ZMAT4: variants seen among roughly 807,000 people sequenced by gnomAD.
The protein encoded by ZMAT4 is zinc finger matrin-type protein 4.
ZMAT4 carries 17 observed loss-of-function variants against 28.7 expected under a neutral mutation model. The observed-to-expected ratio is 0.59, with a 90% CI of 0.41 to 0.89. The LOEUF (loss-of-function observed/expected upper bound fraction) is 0.89, where lower values mean the gene tolerates loss of function less well. ZMAT4 is among the 40% of genes least tolerant of loss of function. The pLI is 0.00. For missense variants in ZMAT4, 240 were observed against 283.8 expected (o/e 0.85, Z 1.11); for synonymous variants, 117 against 109.2 (o/e 1.07, Z -0.44).
At chr8:40,672,829 AC>A (rs1808736180) in intron 5 of ZMAT4, among the ~76,000 whole-genome samples, 1 of 152,180 alleles carries the variant, frequency 6.6e-6, no homozygotes, top group South Asian at 2.1e-4. Context: ...ATTTTCTTTA[AC>A]AAGACATAGA....
At chr8:40,746,254 TCCC>T (rs1812215336) in intron 3 of ZMAT4, among the ~76,000 whole-genome samples, 30 of 85,164 alleles carry the variant, frequency 3.5e-4, no homozygotes, top group South Asian at 5.4e-4. Flanking sequence ...CCTCCCTCCC[TCCC>T]TCCCTCCCTT....
intron 3 of ZMAT4, among the ~76,000 whole-genome samples, chr8:40,735,110 C>T (rs1230930360): frequency 6.6e-6 from 1 of 152,200 alleles, no homozygotes; most frequent in East Asian, 1.9e-4. Context: ...TAGGCAGAAA[C>T]TCTGCCTTAT....
At chr8:40,696,528 C>A (rs911781521) in intron 4 of ZMAT4, among the ~76,000 whole-genome samples, 7 of 152,140 alleles carry the variant, frequency 4.6e-5, no homozygotes, top group African/African-American at 1.4e-4. Context: ...AATAGTTTAT[C>A]TTGATTAAAT....
At chr8:40,712,992 C>T (rs899401711) in intron 3 of ZMAT4, among the ~76,000 whole-genome samples, 36 of 151,462 alleles carry the variant, frequency 2.4e-4, no homozygotes, top group African/African-American at 8.5e-4. Context: ...AAGAAAAATA[C>T]GGATACTAAA....
At chr8:40,883,485 G>C (rs1818349701) in intron 1 of ZMAT4, among the ~76,000 whole-genome samples, 1 of 152,150 alleles carries the variant, frequency 6.6e-6, no homozygotes, top group South Asian at 2.1e-4. Flanking sequence ...CTGAGAGGAA[G>C]ACAGCAAAGG....
intron 3 of ZMAT4, among the ~76,000 whole-genome samples, chr8:40,722,655 C>T (rs1229782304): frequency 3.3e-5 from 5 of 152,124 alleles, no homozygotes; most frequent in African/African-American, 1.2e-4. Context: ...ATAAAACTAT[C>T]TAATGAAATC....
intron 2 of ZMAT4, among the ~76,000 whole-genome samples, chr8:40,783,609 G>A (rs1396790915): frequency 6.6e-6 from 1 of 151,992 alleles, no homozygotes; most frequent in African/African-American, 2.4e-5. Context: ...AAAAATTAAA[G>A]TTATAAAAAC....
At chr8:40,729,088 T>G (rs1359008284) in intron 3 of ZMAT4, among the ~76,000 whole-genome samples, 5 of 152,220 alleles carry the variant, frequency 3.3e-5, no homozygotes. Context: ...TTCAACCGTT[T>G]TACATTTTCT....
intron 2 of ZMAT4, among the ~76,000 whole-genome samples, chr8:40,794,154 A>C (rs1814483875): frequency 2.0e-5 from 3 of 152,230 alleles, no homozygotes; most frequent in African/African-American, 7.2e-5. Context: ...GCACTGATGC[A>C]TTAGTGTTGA....
chr8:40,799,307 C>G (rs1052821411), intron 2 of ZMAT4, among the ~76,000 whole-genome samples: 1 of 152,120 alleles, frequency 6.6e-6, no homozygotes, highest in East Asian at 1.9e-4. Flanking sequence ...ATATCCAAAA[C>G]TATATTTAGA....
At chr8:40,619,661 A>G (rs2722435) in intron 5 of ZMAT4, among the ~76,000 whole-genome samples, 74,793 of 152,158 alleles carry the variant, frequency 0.49, 20,164 homozygotes, top group Non-Finnish European at 0.61. Context: ...GGAGAGCACC[A>G]GAGAGGGCAG....
intron 1 of ZMAT4, among the ~76,000 whole-genome samples, chr8:40,858,164 T>C (rs1032180380): frequency 1.3e-5 from 2 of 152,296 alleles, no homozygotes; most frequent in African/African-American, 2.4e-5. Context: ...AATACTTTTT[T>C]CACACGAGAA....
intron 5 of ZMAT4, among the ~76,000 whole-genome samples, chr8:40,650,813 C>A (rs958296529): frequency 8.0e-5 from 12 of 150,912 alleles, no homozygotes; most frequent in Admixed American, 6.6e-4. Context: ...TAAACAGAGC[C>A]AAAGACAAAA....
chr8:40,829,786 T>A (rs76912129), intron 1 of ZMAT4, among the ~76,000 whole-genome samples: 2,306 of 152,182 alleles, frequency 0.015, 61 homozygotes, highest in African/African-American at 0.052. Flanking sequence ...GGTTGAAAAT[T>A]TGAGGATGGA....
chr8:40,708,571 TTCTC>T (rs36210172), intron 3 of ZMAT4, among the ~76,000 whole-genome samples: 1,890 of 120,988 alleles, frequency 0.016, 24 homozygotes, highest in East Asian at 0.042. Flanking sequence ...TACACACTCT[TTCTC>T]TCTCTCTCTC....
chr8:40,601,446 A>G (rs866575607), intron 5 of ZMAT4, among the ~76,000 whole-genome samples: 1,322 of 116,108 alleles, frequency 0.011, 14 homozygotes, highest in African/African-American at 0.02. Flanking sequence ...GGAAGGAAGG[A>G]AGGAAGGAAG....
chr8:40,772,482 A>G (rs1298798047), intron 2 of ZMAT4, among the ~76,000 whole-genome samples: 2 of 152,234 alleles, frequency 1.3e-5, no homozygotes, highest in Non-Finnish European at 1.5e-5. Context: ...ACATGCCTCA[A>G]AAAAATTCAC....
At chr8:40,724,880 G>A (rs1450357470) in intron 3 of ZMAT4, among the ~76,000 whole-genome samples, 1 of 152,074 alleles carries the variant, frequency 6.6e-6, no homozygotes, top group Non-Finnish European at 1.5e-5. Context: ...GCCAAAAGAA[G>A]GTTCCAGACC....
chr8:40,785,868 CT>C (rs36009340), intron 2 of ZMAT4, among the ~76,000 whole-genome samples: 4 of 151,614 alleles, frequency 2.6e-5, no homozygotes, highest in Admixed American at 6.6e-5. Context: ...GCCTGGCCCA[CT>C]TTTTTTTTAC....
Sources: gnomAD v4.1 joint callset for allele counts (sites outside exome capture counted in the v4.1 genomes callset) on GRCh38, gnomAD v4.1.1 for gene constraint, MANE v1.5 for transcripts, NCBI Gene and HGNC (gene_info 2026-07-23, HGNC 2026-07-21) for gene names.